Variants in PDE4D observed in about 807,000 individuals in gnomAD.
PDE4D encodes the protein phosphodiesterase 4D.
PDE4D carries 24 observed loss-of-function variants against 87.4 expected under a neutral mutation model. The observed-to-expected ratio is 0.27, with a 90% CI of 0.20 to 0.39. The LOEUF (loss-of-function observed/expected upper bound fraction) is 0.39, where lower values mean the gene tolerates loss of function less well. Among genes scored for constraint, PDE4D ranks in the 10% least tolerant of loss-of-function variants. PDE4D has a pLI of 1.00. For missense variants in PDE4D, 714 were observed against 1,041.0 expected (o/e 0.69, Z 4.32); for synonymous variants, 384 against 383.2 (o/e 1.00, Z -0.02).
At chr5:59,581,549 C>G (rs1824154155) in intron 1 of PDE4D, among the ~76,000 whole-genome samples, 1 of 152,150 alleles carries the variant, frequency 6.6e-6, no homozygotes, top group Admixed American at 6.5e-5. Context: ...TTATGCCACT[C>G]AGTCCTTTGA....
chr5:59,845,678 A>G (rs4602573), intron 1 of PDE4D, among the ~76,000 whole-genome samples: 14,079 of 152,154 alleles, frequency 0.093, 2,014 homozygotes, highest in African/African-American at 0.31. Flanking sequence ...CCAATTTCAG[A>G]TAATACTACT....
chr5:59,799,010 CA>C (rs1766818102), intron 1 of PDE4D, among the ~76,000 whole-genome samples: 1 of 152,160 alleles, frequency 6.6e-6, no homozygotes, highest in African/African-American at 2.4e-5. Flanking sequence ...GGATTGCAGC[CA>C]ATTTTATTTA....
intron 1 of PDE4D, among the ~76,000 whole-genome samples, chr5:59,759,828 A>G (rs565932916): frequency 2.6e-5 from 4 of 152,312 alleles, no homozygotes; most frequent in South Asian, 4.1e-4. Context: ...CTTTGCCTAC[A>G]GCCCTCCTCT....
intron 1 of PDE4D, among the ~76,000 whole-genome samples, chr5:59,218,178 T>G (rs1054219634): frequency 6.6e-6 from 1 of 152,198 alleles, no homozygotes; most frequent in African/African-American, 2.4e-5. Flanking sequence ...TGTGAATGCC[T>G]GTAGAAATGT....
At chr5:60,392,208 G>A (rs1762602605) in intron 1 of PDE4D, among the ~76,000 whole-genome samples, 1 of 152,122 alleles carries the variant, frequency 6.6e-6, no homozygotes, top group Admixed American at 6.5e-5. Flanking sequence ...GGTTTTTATT[G>A]TTTTGCTCCT....
chr5:59,365,832 C>A (rs1181355513), intron 1 of PDE4D, among the ~76,000 whole-genome samples: 1 of 152,074 alleles, frequency 6.6e-6, no homozygotes, highest in Non-Finnish European at 1.5e-5. Context: ...ATCAGTAGTG[C>A]TCACACATTA....
At chr5:59,478,170 CA>C (rs1803643764) in intron 1 of PDE4D, among the ~76,000 whole-genome samples, 1 of 152,076 alleles carries the variant, frequency 6.6e-6, no homozygotes, top group African/African-American at 2.4e-5. Context: ...CAAACCTGCA[CA>C]TGTGCCCCCT....
chr5:60,261,640 A>T (rs1006481886), intron 1 of PDE4D, among the ~76,000 whole-genome samples: 15 of 152,140 alleles, frequency 9.9e-5, no homozygotes, highest in African/African-American at 3.6e-4. Flanking sequence ...AGGTGGGCTG[A>T]GTTTAGCACT....
At chr5:60,424,337 A>G (rs551218522) in intron 1 of PDE4D, among the ~76,000 whole-genome samples, 1 of 152,346 alleles carries the variant, frequency 6.6e-6, no homozygotes, top group African/African-American at 2.4e-5. Flanking sequence ...ATCTGCCACA[A>G]TCAAGTCAGC....
At chr5:59,796,643 T>G (rs750393400) in intron 1 of PDE4D, among the ~76,000 whole-genome samples, 3 of 152,234 alleles carry the variant, frequency 2.0e-5, no homozygotes, top group Non-Finnish European at 4.4e-5. Context: ...TTAAAAAAAT[T>G]AAAGGCAAGC....
At chr5:59,607,167 T>C in intron 1 of PDE4D, among the ~76,000 whole-genome samples, 1 of 152,102 alleles carries the variant, frequency 6.6e-6, no homozygotes, top group East Asian at 1.9e-4. Context: ...TAAACCCTCA[T>C]CAAAAACATT....
At chr5:59,027,177 C>T (rs797011839) in intron 6 of PDE4D, among the ~76,000 whole-genome samples, 4 of 152,270 alleles carry the variant, frequency 2.6e-5, no homozygotes, top group African/African-American at 7.2e-5. Flanking sequence ...TATCCCTCAA[C>T]TGAGATCTGT....
chr5:60,172,634 G>T (rs1321615057), intron 2 of PDE4D, among the ~76,000 whole-genome samples: 2 of 152,110 alleles, frequency 1.3e-5, no homozygotes, highest in Non-Finnish European at 2.9e-5. Flanking sequence ...GGGTTGAGGG[G>T]AGAAAAGAAA....
chr5:60,171,763 T>TA (rs1783449442), intron 2 of PDE4D, among the ~76,000 whole-genome samples: 8 of 152,036 alleles, frequency 5.3e-5, no homozygotes, highest in Admixed American at 5.2e-4. Context: ...ACAAGCTATT[T>TA]AAAGTTATAA....
chr5:60,047,465 G>A (rs1769430289), intron 2 of PDE4D, among the ~76,000 whole-genome samples: 2 of 152,292 alleles, frequency 1.3e-5, no homozygotes, highest in South Asian at 4.1e-4. Flanking sequence ...ATGTTAGGGT[G>A]TCCATTTTAG....
In PDE4D at chr5:60,197,077, TTAGATAGATAGA is replaced by T. The variant is rs70975372; in HGVS notation, c.-89-11402_-89-11391del. Among the ~76,000 whole-genome samples the T allele has an allele frequency of 3.6e-3, 428 of 117,416 alleles. 4 individuals carry two copies. Among genetic ancestry groups the T allele is most frequent in the African/African-American group, 0.012 (383 of 32,158 alleles). The allele number at this position is 117,416 out of a possible 152,430, so 77.0% of individuals were successfully genotyped here. A position where few individuals can be genotyped will look rare whatever the true frequency, so the allele number is the denominator to read the frequency against. On this transcript the variant is annotated intron_variant, in intron 1 of 16. Coordinates refer to the PDE4D transcript ENST00000502484. ...GATAGATAGATAGATAGATAGACAGTTAGATAGATAGATAGATAGATAGATAGATAGATAGAT... is the reference window on the plus strand; with the variant it reads ...GATAGATAGATAGATAGATAGACAGTTAGATAGATAGATAGATAGATAGAT...
intron 2 of PDE4D, among the ~76,000 whole-genome samples, chr5:60,153,281 A>G (rs1781675147): frequency 6.6e-6 from 1 of 152,218 alleles, no homozygotes; most frequent in Non-Finnish European, 1.5e-5. Context: ...AAAATGTTCA[A>G]CATCACTAAT....
chr5:59,496,631 G>C (rs959481212), intron 1 of PDE4D, among the ~76,000 whole-genome samples: 4 of 152,166 alleles, frequency 2.6e-5, no homozygotes, highest in African/African-American at 9.7e-5. Context: ...TAAGGGAGGG[G>C]GATGTAGCCG....
intron 2 of PDE4D, among the ~76,000 whole-genome samples, chr5:60,063,124 A>C (rs1009546439): frequency 1.3e-5 from 2 of 149,984 alleles, no homozygotes; most frequent in Admixed American, 1.3e-4. Context: ...GAAAGAAAGA[A>C]AGAAAGAAAG....
Sources: allele counts gnomAD v4.1 joint callset (sites outside exome capture counted in the v4.1 genomes callset), GRCh38; gene constraint gnomAD v4.1.1; transcripts MANE v1.5; gene names NCBI Gene and HGNC (gene_info 2026-07-23, HGNC 2026-07-21).